WWP1: variants seen among roughly 807,000 people sequenced by gnomAD.
The protein encoded by WWP1 is WW domain containing E3 ubiquitin protein ligase 1.
A neutral mutation model predicts 130.6 loss-of-function variants in WWP1; 49 were observed. That is an observed-to-expected ratio of 0.38 (90% confidence interval 0.30 to 0.48). The LOEUF is 0.48. WWP1 is among the 20% of genes least tolerant of loss of function. WWP1 has a pLI of 0.99. For missense variants in WWP1, 809 were observed against 1,100.6 expected, an observed-to-expected ratio of 0.74 and a Z score of 3.75; for synonymous variants, 332 against 367.8, an observed-to-expected ratio of 0.90 and a Z score of 1.11.
At chr8:86,378,704 T>C (rs1487975160) in intron 3 of WWP1, among the ~76,000 whole-genome samples, 1 of 152,230 alleles carries the variant, frequency 6.6e-6, no homozygotes, top group East Asian at 1.9e-4. Flanking sequence ...TTAAAGATTA[T>C]TATCTTTGAA....
intron 3 of WWP1, among the ~76,000 whole-genome samples, chr8:86,379,303 CTT>C (rs1317195831): frequency 2.0e-4 from 30 of 152,132 alleles, no homozygotes; most frequent in Admixed American, 8.5e-4. Flanking sequence ...ATTGAACACT[CTT>C]TAATTGCTAT....
intron 1 of WWP1, among the ~76,000 whole-genome samples, chr8:86,361,252 G>T (rs527281336): frequency 3.3e-5 from 5 of 152,066 alleles, no homozygotes; most frequent in Non-Finnish European, 7.4e-5. Flanking sequence ...GGTAGTGATG[G>T]TAAGAAGTAA....
chr8:86,400,038 G>A (rs1327111985), intron 7 of WWP1, among the ~76,000 whole-genome samples: 2 of 152,134 alleles, frequency 1.3e-5, no homozygotes, highest in Non-Finnish European at 2.9e-5. Context: ...ATGGGATAAA[G>A]GTAGATAGTA....
intron 10 of WWP1, among the ~76,000 whole-genome samples, chr8:86,426,434 G>A (rs1192501616): frequency 1.3e-5 from 2 of 152,158 alleles, no homozygotes; most frequent in Non-Finnish European, 2.9e-5. Context: ...ACAAAAATTG[G>A]TTTAATAGAT....
intron 5 of WWP1, among the ~76,000 whole-genome samples, chr8:86,390,433 C>T (rs2130432024): frequency 6.6e-6 from 1 of 152,328 alleles, no homozygotes; most frequent in South Asian, 2.1e-4. Flanking sequence ...GAGACTCCGT[C>T]TGCAATCCCG....
At chr8:86,459,523 C>G (rs911485961) in intron 22 of WWP1, among the ~76,000 whole-genome samples, 4 of 152,076 alleles carry the variant, frequency 2.6e-5, no homozygotes, top group African/African-American at 9.7e-5. Context: ...AGAGAAAAAA[C>G]TGGAAACAGT....
chr8:86,350,148 A>G lies in WWP1; in HGVS notation c.-115+7218A>G, dbSNP rs1822832352. ...ATCCTCTCTTATGGAAATACAATGA[A>G]TAAGGTGCTGCTTCTCCTTTCCAAG... is the stretch of plus-strand genomic sequence containing the variant. On this transcript the variant is annotated intron_variant, in intron 1 of 24. Transcript: ENST00000517970. Among the ~76,000 whole-genome samples the G allele has an allele frequency of 2.0e-5, 3 of 152,252 alleles. No individual in the cohort carries two copies. The East Asian group carries it at 5.8e-4, about 29-fold the overall frequency.
intron 1 of WWP1, among the ~76,000 whole-genome samples, chr8:86,354,865 A>G (rs1823164968): frequency 6.6e-6 from 1 of 152,108 alleles, no homozygotes; most frequent in African/African-American, 2.4e-5. Context: ...GGGTTAGGAA[A>G]TTAACTATTA....
rs58623008 is a variant in WWP1 at position 86,466,553 on chromosome 8, A to T, written c.2670-241A>T. Among the ~76,000 whole-genome samples the T allele has an allele frequency of 4.3e-3, 647 of 149,536 alleles. 5 individuals are homozygous for T. Among genetic ancestry groups the T allele is most frequent in the African/African-American group, 0.014 (586 of 40,838 alleles). ...AGAAAATGGATTTTTTTTTTTTTTTAAATTTGTCTTTATCCATATTGCTAC... is the reference window on the plus strand; with the variant it reads ...AGAAAATGGATTTTTTTTTTTTTTTTAATTTGTCTTTATCCATATTGCTAC... On this transcript the variant is annotated intron_variant, in intron 24 of 24. Coordinates refer to ENST00000517970, the MANE Select transcript of WWP1 (RefSeq NM_007013.4).
intron 3 of WWP1, among the ~76,000 whole-genome samples, chr8:86,376,558 G>A (rs1824665236): frequency 6.6e-6 from 1 of 151,906 alleles, no homozygotes; most frequent in South Asian, 2.1e-4. Flanking sequence ...GATAAAGTGA[G>A]GCTCTGTCTC....
chr8:86,377,872 TAAAGTA>T (rs1168849820), intron 3 of WWP1, among the ~76,000 whole-genome samples: 1 of 152,192 alleles, frequency 6.6e-6, no homozygotes, highest in Non-Finnish European at 1.5e-5. Context: ...TTTCACTTTT[TAAAGTA>T]AAAGTGTCAA....
At chr8:86,424,428 C>T (rs1431293617) in intron 9 of WWP1, among the ~76,000 whole-genome samples, 2 of 151,374 alleles carry the variant, frequency 1.3e-5, no homozygotes, top group East Asian at 2.0e-4. Context: ...GCTGCAATCT[C>T]GGCACTTTGG....
intron 20 of WWP1, 27 bp from the exon 21 acceptor site, chr8:86,452,532 A>G (rs776087283): frequency 1.3e-6 from 2 of 1,574,696 alleles, no homozygotes; most frequent in South Asian, 1.2e-5. Flanking sequence ...TAAATTACCT[A>G]TTTTTAAATA....
At position 86,411,574 on chromosome 8, in the gene WWP1, A is replaced by G. The variant is rs760345631; in HGVS notation, c.761A>G (p.Asn254Ser). 3 of 1,613,778 alleles carry G rather than the reference A, an allele frequency of 1.9e-6. No individual in the cohort carries two copies. Among genetic ancestry groups the G allele is most frequent in the African/African-American group, 2.7e-5 (2 of 74,906 alleles). Residue 254 changes from asparagine (N) to serine (S), a missense_variant, in exon 9 of 25, where the codon AAT (asparagine) becomes AGT (serine). This residue lies in a region of WWP1 where 262 missense variants were observed against 346.0 expected (regional missense o/e 0.76). Coordinates refer to ENST00000517970, the MANE Select transcript of WWP1 (RefSeq NM_007013.4). ...TCATCCTCATTTGCACCAACTGATAATGCGTCTGTCACGGGTACTCCAGTA... is the reference window on the plus strand; with the variant it reads ...TCATCCTCATTTGCACCAACTGATAGTGCGTCTGTCACGGGTACTCCAGTA... Reference protein sequence around the residue: ...GESSSFAPTDNASVTGTPVVS... With the variant: ...GESSSFAPTDSASVTGTPVVS...
intron 9 of WWP1, among the ~76,000 whole-genome samples, chr8:86,418,492 G>C (rs913423746): frequency 1.3e-5 from 2 of 152,156 alleles, no homozygotes; most frequent in African/African-American, 4.8e-5. Flanking sequence ...TCATTTGGAG[G>C]ATGGTTAAGT....
At position 86,465,263 on chromosome 8, in the gene WWP1, G is replaced by A. The variant is rs573793193; in HGVS notation, c.2670-1531G>A. 1.7e-4 allele frequency among the ~76,000 whole-genome samples: 26 copies of A among 152,218 alleles called. No individual in the cohort carries two copies. In the South Asian group the frequency reaches 5.2e-3, roughly 30 times the overall value. ...CCTCCCCACCCATAGCAACTCGAAAGCAGCAAAAGTTTTTGAAGAGTGGCA... is the reference window on the plus strand; with the variant it reads ...CCTCCCCACCCATAGCAACTCGAAAACAGCAAAAGTTTTTGAAGAGTGGCA... On this transcript the variant is annotated intron_variant, in intron 24 of 24. Transcript: ENST00000517970.
chr8:86,433,947 A>C (rs986754228), intron 14 of WWP1, among the ~76,000 whole-genome samples: 5 of 152,048 alleles, frequency 3.3e-5, no homozygotes, highest in Non-Finnish European at 4.4e-5. Context: ...AGAATCATCC[A>C]CAACTCCTCT....
At chr8:86,415,898 G>A (rs1011662716) in intron 9 of WWP1, among the ~76,000 whole-genome samples, 2 of 152,146 alleles carry the variant, frequency 1.3e-5, no homozygotes, top group African/African-American at 4.8e-5. Context: ...TATTCTTCGT[G>A]CTCAAAACTA....
chr8:86,438,934 A>G (rs988399065), intron 17 of WWP1, among the ~76,000 whole-genome samples: 6 of 152,172 alleles, frequency 3.9e-5, no homozygotes, highest in African/African-American at 1.4e-4. Context: ...TAATCATACA[A>G]TGTACAAAAT....
Sources: gnomAD v4.1 joint callset for allele counts (sites outside exome capture counted in the v4.1 genomes callset) on GRCh38, gnomAD v4.1.1 for gene constraint, gnomAD v4.1.1 regional missense constraint, MANE v1.5 for transcripts, NCBI Gene and HGNC (gene_info 2026-07-23, HGNC 2026-07-21) for gene names.